The following FBXO2 variants were observed in gnomAD, a reference collection of about 807,000 sequenced individuals.
The protein encoded by FBXO2 is F-box protein 2, also known as F-box only protein 2.
A neutral mutation model predicts 38.6 loss-of-function variants in FBXO2; 32 were observed. The ratio of observed to expected loss-of-function variants is 0.83; its 90% CI spans 0.62 to 1.11. FBXO2 has a LOEUF of 1.11. FBXO2 is among the 50% of genes most tolerant of loss of function. The pLI, the probability that FBXO2 is intolerant of heterozygous loss-of-function variation, is 0.00. For missense variants in FBXO2, 450 were observed against 418.3 expected, an observed-to-expected ratio of 1.08 and a Z score of -0.66; for synonymous variants, 189 against 182.9, an observed-to-expected ratio of 1.03 and a Z score of -0.27.
Position 11,649,108 on chromosome 1 carries a change from A to G in FBXO2, c.735T>C (p.Ser245=). Residue 245 remains serine (S), a synonymous_variant, in exon 5 of 6, where the codon AGT becomes AGC. Transcript: ENST00000354287. The part of the protein sequence containing the change: ...SSGQVAVPQD[S]DGGGWMEISH... ...TCACCTCCATCCAGCCCCCGCCGTC[A>G]CTGTCTTGGGGCACTGCCACCTGCC... 1 of 1,598,198 alleles carries G rather than the reference A, an allele frequency of 6.3e-7. No homozygotes were observed. Among genetic ancestry groups the G allele is most frequent in the African/African-American group, 1.3e-5 (1 of 74,450 alleles).
intron 1 of FBXO2, among the ~76,000 whole-genome samples, chr1:11,652,595 C>T (rs544064467): frequency 9.9e-5 from 15 of 152,284 alleles, no homozygotes; most frequent in Admixed American, 9.8e-4. Context: ...AAGTGGACAC[C>T]GAGTGCCCAA....
chr1:11,650,445 C>T (rs1208426270), intron 2 of FBXO2, 21 bp downstream of exon 2: 3 of 1,601,494 alleles, frequency 1.9e-6, no homozygotes, highest in Non-Finnish European at 1.7e-6. Flanking sequence ...AAGCTGAGCT[C>T]GCCCAGCGAG....
rs1639505553 is a variant in FBXO2, at chr1:11,650,729, G to A, written c.128C>T (p.Ala43Val). Residue 43 changes from alanine to valine, a missense_variant, in exon 2 of 6, where the codon GCC (alanine) becomes GTC (valine). Transcript: ENST00000354287. ...GGGCAGCTCGTCCAGGTACGCGGCG[G>A]CGGCCGCCGCCTCCTCCTCCTGCTG... ...EDQQEEEAAA[A>V]AAYLDELPEP... 1.3e-6 allele frequency: 2 copies of A among 1,528,942 alleles called. No individual in the cohort carries two copies. Among genetic ancestry groups the A allele is most frequent in the Non-Finnish European group, 1.7e-6 (2 of 1,144,686 alleles). The allele number at this position is 1,528,942 out of a possible 1,614,324, so 94.7% of individuals were successfully genotyped here.
intron 4 of FBXO2, 77 bp downstream of exon 4, chr1:11,649,702 G>T: frequency 1.4e-6 from 2 of 1,464,452 alleles, no homozygotes; most frequent in East Asian, 4.6e-5. Context: ...ACCCCCAGGC[G>T]GGGGGTTCCC....
At chr1:11,654,244 GCC>G in intron 1 of FBXO2, 73 bp downstream of exon 1, 2 of 1,440,856 alleles carry the variant, frequency 1.4e-6, no homozygotes, top group Non-Finnish European at 1.8e-6. Flanking sequence ...GCTCTCTGAC[GCC>G]CCTCTGTGCA....
chr1:11,650,849 G>A lies in FBXO2; in HGVS notation c.23-15C>T, dbSNP rs1179492912. The stretch of plus-strand genomic sequence containing the variant: ...GCCCACGCTCTCTGCAGGCAGGGAT[G>A]GGTGGGAGGCTGTGATTCCTCCACC... On this transcript the variant is annotated splice_polypyrimidine_tract_variant and intron_variant, in intron 1 of 5. Coordinates refer to ENST00000354287, the MANE Select transcript of FBXO2 (RefSeq NM_012168.6). 2 of 1,557,106 alleles carry A rather than the reference G, an allele frequency of 1.3e-6. No homozygotes were observed. The highest frequency in any genetic ancestry group is 1.8e-5 in the Admixed American group (1 of 56,442).
In FBXO2 at chr1:11,648,859, G is replaced by A. The variant is rs111456101; in HGVS notation, c.757-31C>T. ...GGTGGAGGTAACAAGAGTCAGCCTC[G>A]GAGGTCCTGAGGCCTCTCCTGCCGC... is the stretch of plus-strand genomic sequence containing the variant. On this transcript the variant is annotated intron_variant, in intron 5 of 5. Transcript: ENST00000354287. This position sits in a 1 kb window ranked among gnomAD's most constrained non-coding sequence, Gnocchi z 4.2. 1.4e-4 allele frequency: 230 copies of A among 1,612,284 alleles called. 1 individual carries two copies. In the African/African-American group the frequency reaches 2.3e-3, roughly 16 times the overall value.
rs375175411 is a variant in FBXO2, at chr1:11,650,098, C to T, written c.392-24G>A. ...CTCTGTAGGGACACGACAGCCCCACCCTGGTCACTCAGTCCCTGCTAAGGC... is the reference window on the plus strand; with the variant it reads ...CTCTGTAGGGACACGACAGCCCCACTCTGGTCACTCAGTCCCTGCTAAGGC... On this transcript the variant is annotated intron_variant, in intron 2 of 5. Transcript: ENST00000354287. 1.3e-5 allele frequency: 21 copies of T among 1,613,092 alleles called. No individual in the cohort carries two copies. The African/African-American group carries it at 2.8e-4, about 22-fold the overall frequency.
Position 11,649,901 on chromosome 1 carries a change from C to T in FBXO2, c.522-27G>A, listed in dbSNP as rs147900923. 1.9e-5 allele frequency: 30 copies of T among 1,613,840 alleles called. No homozygotes were observed. The East Asian group carries it at 5.1e-4, about 28-fold the overall frequency. On this transcript the variant is annotated intron_variant, in intron 3 of 5. Transcript: ENST00000354287. Reference sequence around the variant, plus strand: ...TGGGAGAACTGGAGTTAGGACAGAGCGAACGCTCCCCCCTTCCCACCTCCT... The same window carrying T: ...TGGGAGAACTGGAGTTAGGACAGAGTGAACGCTCCCCCCTTCCCACCTCCT...
chr1:11,648,479 C>T lies in FBXO2; in HGVS notation c.*215G>A. ...CAGCAGTGGGTCCAGTCCAAGCTCA[C>T]GCCCTCACGGATCTACATTCTAGAA... On this transcript the variant is annotated 3_prime_UTR_variant, in exon 6 of 6. Transcript: ENST00000354287. The surrounding 1 kb of genome is among the most constrained non-coding windows in gnomAD (Gnocchi z 4.2). 3.2e-6 allele frequency: 2 copies of T among 624,672 alleles called. No homozygotes were observed. The highest frequency in any genetic ancestry group is 5.5e-6 in the Non-Finnish European group (2 of 362,222). The allele number at this position is 624,672 out of a possible 1,614,324, so 38.7% of individuals were successfully genotyped here.
chr1:11,654,167 C>T (rs892407270), intron 1 of FBXO2, 152 bp downstream of exon 1: 21 of 818,484 alleles, frequency 2.6e-5, no homozygotes, highest in African/African-American at 5.5e-5. Flanking sequence ...GAGACGTGCT[C>T]TTTGGAGACC....
In FBXO2 at chr1:11,648,533, C is replaced by T; in HGVS notation, c.*161G>A. 3 of 1,058,616 alleles carry T rather than the reference C, an allele frequency of 2.8e-6. No homozygotes were observed. The South Asian group carries it at 5.0e-5, about 17-fold the overall frequency. 65.6% of individuals were successfully genotyped at this position (1,058,616 alleles called of 1,614,324 possible). ...GGCTACCTAAGCAAACCTATGCCAA[C>T]AAAACTTCTCTCTCCCTGCTCAGGG... On this transcript the variant is annotated 3_prime_UTR_variant, in exon 6 of 6. Coordinates refer to ENST00000354287, the MANE Select transcript of FBXO2 (RefSeq NM_012168.6). This position sits in a 1 kb window ranked among gnomAD's most constrained non-coding sequence, Gnocchi z 4.2.
chr1:11,654,346 C>A lies in FBXO2; in HGVS notation c.-6G>T. ...GGGTCACCGTCTCCGTCCATCGCTG[C>A]GGAGGGCGGTCGCGAGAGGAGGAGC... On this transcript the variant is annotated 5_prime_UTR_variant, in exon 1 of 6. Coordinates refer to ENST00000354287, the MANE Select transcript of FBXO2 (RefSeq NM_012168.6). 6.9e-7 allele frequency: 1 copy of A among 1,440,528 alleles called. No individual in the cohort carries two copies. Among genetic ancestry groups the A allele is most frequent in the Non-Finnish European group, 9.1e-7 (1 of 1,102,856 alleles). 89.2% of individuals were successfully genotyped at this position (1,440,528 alleles called of 1,614,324 possible).
At chr1:11,653,245 TG>T (rs1056467264) in intron 1 of FBXO2, 96 of 152,506 alleles carry the variant, frequency 6.3e-4, no homozygotes, top group African/African-American at 2.1e-3. Flanking sequence ...TCCCCTCTTC[TG>T]GCCCCGGGGC....
intron 1 of FBXO2, chr1:11,654,013 G>A (rs933600082): frequency 5.2e-6 from 2 of 386,156 alleles, no homozygotes; most frequent in African/African-American, 4.2e-5. Context: ...ACGCATCCCA[G>A]GCCCCCGCCA....
chr1:11,652,249 A>G (rs1639534919), intron 1 of FBXO2, among the ~76,000 whole-genome samples: 2 of 152,162 alleles, frequency 1.3e-5, no homozygotes, highest in Admixed American at 6.5e-5. Flanking sequence ...GGGCTGGAGA[A>G]CAGAGCCTGG....
chr1:11,650,489 A>AGGTTGC lies in FBXO2; in HGVS notation c.362_367dup (p.Arg121_Asn122dup). 6.2e-7 allele frequency: 1 copy of AGGTTGC among 1,609,318 alleles called. No individual in the cohort carries two copies. Among genetic ancestry groups the AGGTTGC allele is most frequent in the Non-Finnish European group, 8.5e-7 (1 of 1,178,588 alleles). On this transcript the variant is annotated inframe_insertion, in exon 2 of 6. Coordinates refer to ENST00000354287, the MANE Select transcript of FBXO2 (RefSeq NM_012168.6). ...ACCTTCCCCACACGGGTTACGCAGAAGGTTGCGGCGCCGCTTGCTCAGGAA... is the reference window on the plus strand; with the variant it reads ...ACCTTCCCCACACGGGTTACGCAGAAGGTTGCGGTTGCGGCGCCGCTTGCTCAGGAA...
chr1:11,652,081 G>A (rs531980952), intron 1 of FBXO2, among the ~76,000 whole-genome samples: 35 of 152,246 alleles, frequency 2.3e-4, no homozygotes, highest in East Asian at 5.8e-4. Context: ...TTCCTGCCTC[G>A]GCCTCCTAAA....
intron 1 of FBXO2, among the ~76,000 whole-genome samples, chr1:11,652,769 G>A (rs1639549110): frequency 6.6e-6 from 1 of 152,296 alleles, no homozygotes; most frequent in Admixed American, 6.5e-5. Context: ...GGGGACAGGT[G>A]GCAGGACCCA....
Sources: gnomAD v4.1 joint callset for allele counts (sites outside exome capture counted in the v4.1 genomes callset) on GRCh38, gnomAD v4.1.1 for gene constraint, Gnocchi (gnomAD v3.1) non-coding constraint, MANE v1.5 for transcripts, NCBI Gene and HGNC (gene_info 2026-07-23, HGNC 2026-07-21) for gene names.